The following FTCDNL1 variants were observed in gnomAD, a reference collection of about 807,000 sequenced individuals.
The protein encoded by FTCDNL1 is formiminotransferase cyclodeaminase N-terminal like.
FTCDNL1 carries 11 observed loss-of-function variants against 5.9 expected under a neutral mutation model. That is an observed-to-expected ratio of 1.87 (90% CI 1.18 to 3.10). The LOEUF (loss-of-function observed/expected upper bound fraction) is 3.10, where lower values mean the gene tolerates loss of function less well. Among genes scored for constraint, FTCDNL1 ranks in the 30% most tolerant of loss-of-function variants. The probability of loss-of-function intolerance (pLI) is 0.00; values close to 1 mark genes in which losing one functional copy is unlikely to be tolerated. For missense variants in FTCDNL1, 115 were observed against 65.5 expected, an observed-to-expected ratio of 1.76 and a Z score of -2.61; for synonymous variants, 58 against 24.8, an observed-to-expected ratio of 2.34 and a Z score of -3.99.
chr2:199,828,228 G>A (rs149198234), intron 3 of FTCDNL1, among the ~76,000 whole-genome samples: 1 of 152,232 alleles, frequency 6.6e-6, no homozygotes, highest in African/African-American at 2.4e-5. Flanking sequence ...GATATGAATT[G>A]TATATTCAAA....
chr2:199,699,155 A>G, the FTCDNL1 span, among the ~76,000 whole-genome samples: 12 of 152,290 alleles, frequency 7.9e-5, no homozygotes, highest in East Asian at 1.9e-4. Flanking sequence ...CCAGGACCCA[A>G]TGGATTCACA....
At chr2:199,707,662 T>C in the FTCDNL1 span, among the ~76,000 whole-genome samples, 1 of 152,036 alleles carries the variant, frequency 6.6e-6, no homozygotes, top group Non-Finnish European at 1.5e-5. Flanking sequence ...CCATCTCAGC[T>C]TTTGTTTAAT....
chr2:199,736,228 C>T, the FTCDNL1 span, among the ~76,000 whole-genome samples: 16 of 152,246 alleles, frequency 1.1e-4, no homozygotes, highest in South Asian at 1.2e-3. Flanking sequence ...GTTAAGTGGA[C>T]GCATCTTCAG....
chr2:199,730,449 A>G, the FTCDNL1 span, among the ~76,000 whole-genome samples: 2 of 152,240 alleles, frequency 1.3e-5, no homozygotes, highest in Non-Finnish European at 2.9e-5. Flanking sequence ...CCACCTGACA[A>G]AGGTCTAATA....
the FTCDNL1 span, among the ~76,000 whole-genome samples, chr2:199,735,791 A>T: frequency 2.0e-5 from 3 of 152,184 alleles, no homozygotes; most frequent in Non-Finnish European, 2.9e-5. Context: ...CAGCTCTATC[A>T]TAATTTCCAG....
the FTCDNL1 span, among the ~76,000 whole-genome samples, chr2:199,733,505 G>C: frequency 6.6e-6 from 1 of 152,176 alleles, no homozygotes; most frequent in Non-Finnish European, 1.5e-5. Context: ...GCCCAAAAGA[G>C]CATCACTGGA....
intron 3 of FTCDNL1, among the ~76,000 whole-genome samples, chr2:199,774,619 T>C (rs889664527): frequency 2.0e-5 from 3 of 152,146 alleles, no homozygotes; most frequent in Non-Finnish European, 4.4e-5. Context: ...TTAAGGGTTT[T>C]TTTTAGTGCA....
At chr2:199,715,594 G>A in the FTCDNL1 span, among the ~76,000 whole-genome samples, 1 of 152,100 alleles carries the variant, frequency 6.6e-6, no homozygotes. Context: ...CCAGTCTCGG[G>A]TATTTCTTTA....
At chr2:199,782,969 C>A (rs1011286232) in intron 3 of FTCDNL1, among the ~76,000 whole-genome samples, 1 of 152,178 alleles carries the variant, frequency 6.6e-6, no homozygotes, top group Admixed American at 6.5e-5. Context: ...TTCTTGACTT[C>A]TTTTGATTGT....
intron 3 of FTCDNL1, among the ~76,000 whole-genome samples, chr2:199,787,918 A>T (rs754257510): frequency 6.6e-6 from 1 of 152,220 alleles, no homozygotes; most frequent in Non-Finnish European, 1.5e-5. Flanking sequence ...TTTGTTCTGC[A>T]TCCCTGTGGT....
At chr2:199,798,601 T>C (rs890504917) in intron 3 of FTCDNL1, among the ~76,000 whole-genome samples, 1 of 152,158 alleles carries the variant, frequency 6.6e-6, no homozygotes, top group African/African-American at 2.4e-5. Flanking sequence ...CTTCTTCTCA[T>C]CCATCCCTTC....
chr2:199,726,129 G>A, the FTCDNL1 span, among the ~76,000 whole-genome samples: 1 of 151,994 alleles, frequency 6.6e-6, no homozygotes, highest in Non-Finnish European at 1.5e-5. Flanking sequence ...TCATATTTCA[G>A]CAAGATAATC....
downstream of FTCDNL1, among the ~76,000 whole-genome samples, chr2:199,808,697 C>T (rs1284512242): frequency 6.6e-6 from 1 of 152,204 alleles, no homozygotes; most frequent in African/African-American, 2.4e-5. Flanking sequence ...GTGCTTTTAT[C>T]CCCTCTCATC....
chr2:199,670,846 G>A, the FTCDNL1 span, among the ~76,000 whole-genome samples: 1 of 152,174 alleles, frequency 6.6e-6, no homozygotes, highest in African/African-American at 2.4e-5. Flanking sequence ...AGATGGGCCA[G>A]ATACAGTACA....
chr2:199,824,435 A>G (rs773793213), intron 3 of FTCDNL1, among the ~76,000 whole-genome samples: 25 of 152,190 alleles, frequency 1.6e-4, no homozygotes, highest in Non-Finnish European at 3.1e-4. Flanking sequence ...TGTTGCTTTC[A>G]TATCATTCAT....
downstream of FTCDNL1, chr2:199,760,467 CCAAA>C (rs1698219140): frequency 4.4e-6 from 1 of 229,820 alleles, no homozygotes; most frequent in Non-Finnish European, 8.7e-6. Flanking sequence ...GGAGTGTAAA[CCAAA>C]CAAACACAAA....
At chr2:199,761,221 T>A (rs72922377) in intron 3 of FTCDNL1, among the ~76,000 whole-genome samples, 4,196 of 152,298 alleles carry the variant, frequency 0.028, 106 homozygotes, top group East Asian at 0.14. Flanking sequence ...ATGCCACTCC[T>A]GAATAAATCC....
the FTCDNL1 span, among the ~76,000 whole-genome samples, chr2:199,739,351 G>A: frequency 6.6e-6 from 1 of 152,210 alleles, no homozygotes; most frequent in East Asian, 1.9e-4. Flanking sequence ...ACACAAATGT[G>A]TGCTGCGAAT....
In FTCDNL1 at chr2:199,843,385, G is replaced by C. The variant is rs148753986; in HGVS notation, c.211+2690C>G. Among the ~76,000 whole-genome samples the C allele has an allele frequency of 2.3e-3, 347 of 152,202 alleles. 1 individual carries two copies. Among genetic ancestry groups the C allele is most frequent in the African/African-American group, 8.1e-3 (335 of 41,532 alleles). On this transcript the variant is annotated intron_variant, in intron 3 of 4. Transcript: ENST00000420128. The stretch of plus-strand genomic sequence containing the variant: ...GAAGACAATTAAAATCATTATTCTG[G>C]TCTGGACAATTCTGAACTCTTCATT...
Sources: gnomAD v4.1 joint callset for allele counts (sites outside exome capture counted in the v4.1 genomes callset) on GRCh38, gnomAD v4.1.1 for gene constraint, MANE v1.5 for transcripts, NCBI Gene and HGNC (gene_info 2026-07-23, HGNC 2026-07-21) for gene names.